Variants in RPL28 observed in about 807,000 individuals in gnomAD.
RPL28 encodes ribosomal protein L28, also known as large ribosomal subunit protein eL28.
RPL28 carries 4 observed loss-of-function variants against 12.5 expected under a neutral mutation model. That is an observed-to-expected ratio of 0.32 (90% CI 0.16 to 0.73). The LOEUF is 0.73. Ranked by LOEUF, RPL28 falls within the 30% of genes least tolerant of loss-of-function variation. The probability of loss-of-function intolerance (pLI) is 0.66; values close to 1 mark genes in which losing one functional copy is unlikely to be tolerated. For synonymous variants in RPL28, 91 were observed against 72.5 expected (o/e 1.26, Z -1.30); for missense variants, 214 against 197.7 (o/e 1.08, Z -0.49).
At position 55,387,911 on chromosome 19, in the gene RPL28, C is replaced by A. The variant is rs1489872972; in HGVS notation, c.206-19C>A. 6.5e-7 allele frequency: 1 copy of A among 1,545,968 alleles called. No individual in the cohort carries two copies. Among genetic ancestry groups the A allele is most frequent in the Admixed American group, 1.9e-5 (1 of 52,012 alleles). ...AGGTTAGGTGGACTGACCCCAGGACCTCCCTGACCCCCAACCAGGCCAGCG... is the reference window on the plus strand; with the variant it reads ...AGGTTAGGTGGACTGACCCCAGGACATCCCTGACCCCCAACCAGGCCAGCG... On this transcript the variant is annotated intron_variant, in intron 3 of 4. Coordinates refer to ENST00000344063, the MANE Select transcript of RPL28 (RefSeq NM_000991.5).
At chr19:55,388,192 G>GC (rs1446606036) in intron 4 of RPL28, 51 bp from the exon 5 acceptor site, 2 of 1,511,630 alleles carry the variant, frequency 1.3e-6, no homozygotes, top group Admixed American at 4.5e-5. Context: ...GGCCTAGGGG[G>GC]CGGCTTGTGG....
intron 4 of RPL28, chr19:55,401,845 T>G (rs2090061903): frequency 1.4e-6 from 2 of 1,444,776 alleles, no homozygotes; most frequent in Non-Finnish European, 1.9e-6. Context: ...GCCTCCGCAC[T>G]GGCTGTTCCT....
chr19:55,389,928 T>C lies in RPL28; in HGVS notation c.*1596T>C. 1.0e-6 allele frequency: 1 copy of C among 985,518 alleles called. No individual in the cohort carries two copies. The highest frequency in any genetic ancestry group is 1.2e-6 in the Non-Finnish European group (1 of 829,978). The allele number at this position is 985,518 out of a possible 1,614,324, so 61.0% of individuals were successfully genotyped here. On this transcript the variant is annotated 3_prime_UTR_variant, in exon 5 of 5. Coordinates refer to ENST00000344063, the MANE Select transcript of RPL28 (RefSeq NM_000991.5). The stretch of plus-strand genomic sequence containing the variant: ...TGTCCCAGTCCCACTCAGGCCCATC[T>C]CTGGCTGGCCTCACTGCGCTGGGAC...
In RPL28 at chr19:55,387,346, T is replaced by G. The variant is rs1404933764; in HGVS notation, c.206-584T>G. 1.9e-6 allele frequency: 3 copies of G among 1,551,592 alleles called. No individual in the cohort carries two copies. In the African/African-American group the frequency reaches 4.1e-5, roughly 21 times the overall value. ...CAGAGCCAAGGGTCCTTTTACTCAG[T>G]GGCAGCAACAAACGCAGTCTGTTGG... On this transcript the variant is annotated intron_variant, in intron 3 of 4. Transcript: ENST00000344063.
intron 4 of RPL28, chr19:55,400,671 C>G (rs1474007742): frequency 6.6e-6 from 1 of 152,274 alleles, no homozygotes; most frequent in Non-Finnish European, 1.5e-5. Context: ...GGAACACCAA[C>G]AACCAATACC....
chr19:55,391,838 T>C lies in RPL28; in HGVS notation c.*3506T>C, dbSNP rs1436200502. 2.1e-5 allele frequency: 29 copies of C among 1,399,380 alleles called. No homozygotes were observed. Among genetic ancestry groups the C allele is most frequent in the Non-Finnish European group, 2.7e-5 (29 of 1,066,472 alleles). The allele number at this position is 1,399,380 out of a possible 1,614,324, so 86.7% of individuals were successfully genotyped here. A position where few individuals can be genotyped will look rare whatever the true frequency, so the allele number is the denominator to read the frequency against. On this transcript the variant is annotated 3_prime_UTR_variant, in exon 5 of 5. Transcript: ENST00000344063. ...GCCTATGACTAATTTGTACACAAACTAATGCTCGTGTTTCCCAAGCACCTG... is the reference window on the plus strand; with the variant it reads ...GCCTATGACTAATTTGTACACAAACCAATGCTCGTGTTTCCCAAGCACCTG...
downstream of RPL28, among the ~76,000 whole-genome samples, chr19:55,394,549 C>G (rs1361877685): frequency 6.6e-6 from 1 of 152,002 alleles, no homozygotes; most frequent in Non-Finnish European, 1.5e-5. Flanking sequence ...GTGTGAGCCA[C>G]TGCACCTAGC....
chr19:55,390,983 A>G lies in RPL28; in HGVS notation c.*2651A>G, dbSNP rs1288183880. On this transcript the variant is annotated 3_prime_UTR_variant, in exon 5 of 5. Coordinates refer to ENST00000344063, the MANE Select transcript of RPL28 (RefSeq NM_000991.5). Reference sequence around the variant, plus strand: ...GAAAACCAGTTAAACCAAAAACATGATATTAAGAAAACAGGCAGGCTCACC... The same window carrying G: ...GAAAACCAGTTAAACCAAAAACATGGTATTAAGAAAACAGGCAGGCTCACC... 1 of 984,260 alleles carries G rather than the reference A, an allele frequency of 1.0e-6. No homozygotes were observed. Among genetic ancestry groups the G allele is most frequent in the Non-Finnish European group, 1.2e-6 (1 of 828,940 alleles). 61.0% of individuals were successfully genotyped at this position (984,260 alleles called of 1,614,324 possible).
At chr19:55,402,672 T>G (rs927495822) in intron 4 of RPL28, among the ~76,000 whole-genome samples, 12 of 152,214 alleles carry the variant, frequency 7.9e-5, no homozygotes, top group African/African-American at 2.7e-4. Context: ...ACTGCAGGTC[T>G]GGCTGCTCTT....
rs2089957282 is a variant in RPL28 at position 55,388,378 on chromosome 19, C to T, written c.*46C>T. 1 of 1,436,940 alleles carries T rather than the reference C, an allele frequency of 7.0e-7. No individual in the cohort carries two copies. Among genetic ancestry groups the T allele is most frequent in the Non-Finnish European group, 9.2e-7 (1 of 1,091,894 alleles). The allele number at this position is 1,436,940 out of a possible 1,614,324, so 89.0% of individuals were successfully genotyped here. A position where few individuals can be genotyped will look rare whatever the true frequency, so the allele number is the denominator to read the frequency against. On this transcript the variant is annotated 3_prime_UTR_variant, in exon 5 of 5. Coordinates refer to ENST00000344063, the MANE Select transcript of RPL28 (RefSeq NM_000991.5). ...TAAAGTCAGCTGGCTTTCTCACCTG[C>T]CTCGACTGGGCCTCCCTTTTTGAAA...
chr19:55,387,667 T>G, intron 3 of RPL28: 1 of 1,388,962 alleles, frequency 7.2e-7, no homozygotes, highest in African/African-American at 1.4e-5. Flanking sequence ...GCGGCAGCTT[T>G]CTGGCATGAG....
rs1303068754 is a variant in RPL28, at chr19:55,389,170, A to G, written c.*838A>G. 2.1e-6 allele frequency: 2 copies of G among 975,282 alleles called. No homozygotes were observed. Among genetic ancestry groups the G allele is most frequent in the Non-Finnish European group, 2.4e-6 (2 of 820,888 alleles). 60.4% of individuals were successfully genotyped at this position (975,282 alleles called of 1,614,324 possible). A position where few individuals can be genotyped will look rare whatever the true frequency, so the allele number is the denominator to read the frequency against. On this transcript the variant is annotated 3_prime_UTR_variant, in exon 5 of 5. Transcript: ENST00000344063. ...CAGGAGTTTGAGACCATCCTAGGCA[A>G]CATAATGAGACACCGTCTCTAAAAT...
At chr19:55,401,361 A>G in intron 4 of RPL28, 1 of 1,040,172 alleles carries the variant, frequency 9.6e-7, no homozygotes, top group Non-Finnish European at 1.4e-6. Flanking sequence ...GCCATAATTT[A>G]AATAACTTAG....
chr19:55,393,254 C>T (rs1005212090), downstream of RPL28, among the ~76,000 whole-genome samples: 5 of 132,012 alleles, frequency 3.8e-5, no homozygotes, highest in Non-Finnish European at 3.3e-5. Context: ...ACCCCCCCCC[C>T]CCCCCGACCC....
chr19:55,386,471 G>C, intron 2 of RPL28, 33 bp downstream of exon 2: 1 of 1,611,994 alleles, frequency 6.2e-7, no homozygotes, highest in Non-Finnish European at 8.5e-7. Flanking sequence ...GCTCCTGCGG[G>C]AGGAGGGTCC....
At chr19:55,393,689 A>G (rs1319984085), downstream of RPL28, among the ~76,000 whole-genome samples, 3 of 147,468 alleles carry the variant, frequency 2.0e-5, no homozygotes, top group Non-Finnish European at 4.5e-5. Flanking sequence ...CTGGAGTGCA[A>G]TGGCATGACC....
chr19:55,389,566 T>C lies in RPL28; in HGVS notation c.*1234T>C. ...TGAGAGTAAGGGGACTGTCAGGGCC[T>C]CGACTTGCCATTGGTTGGGGTCGTA... On this transcript the variant is annotated 3_prime_UTR_variant, in exon 5 of 5. Transcript: ENST00000344063. The C allele has an allele frequency of 2.0e-6, 2 of 985,490 alleles. No individual in the cohort carries two copies. The highest frequency in any genetic ancestry group is 2.4e-6 in the Non-Finnish European group (2 of 829,966). 61.0% of individuals were successfully genotyped at this position (985,490 alleles called of 1,614,324 possible).
chr19:55,387,255 G>C (rs1177300937), intron 3 of RPL28: 4 of 1,547,134 alleles, frequency 2.6e-6, no homozygotes, highest in Non-Finnish European at 3.5e-6. Context: ...CTTCACATGT[G>C]TTCTTGACAG....
chr19:55,392,069 A>AC lies in RPL28; in HGVS notation c.*3737_*3738insC. ...CTCTTGTAGCCAGTTACTAGAATAA[A>AC]ATCATCTACTTTAAAATCTTTCATT... On this transcript the variant is annotated 3_prime_UTR_variant, in exon 5 of 5. Coordinates refer to ENST00000344063, the MANE Select transcript of RPL28 (RefSeq NM_000991.5). The AC allele has an allele frequency of 9.8e-7, 1 of 1,017,038 alleles. No homozygotes were observed. The allele number at this position is 1,017,038 out of a possible 1,614,324, so 63.0% of individuals were successfully genotyped here. A position where few individuals can be genotyped will look rare whatever the true frequency, so the allele number is the denominator to read the frequency against.
Sources: allele counts gnomAD v4.1 joint callset (sites outside exome capture counted in the v4.1 genomes callset), GRCh38; gene constraint gnomAD v4.1.1; transcripts MANE v1.5; gene names NCBI Gene and HGNC (gene_info 2026-07-23, HGNC 2026-07-21).